The following RAPGEF2 variants were observed in gnomAD, a reference collection of about 807,000 sequenced individuals.
The protein encoded by RAPGEF2 is PDZ domain containing guanine nucleotide exchange factor (GEF) 1.
In RAPGEF2, 54 loss-of-function variants were observed where a neutral mutation model predicts 186.7. That is an observed-to-expected ratio of 0.29 (90% CI 0.23 to 0.36). The LOEUF is 0.36. Among genes scored for constraint, RAPGEF2 ranks in the 10% least tolerant of loss-of-function variants. The pLI is 1.00. For missense variants in RAPGEF2, 1,532 were observed against 2,045.0 expected (o/e 0.75, Z 4.84); for synonymous variants, 712 against 705.9 (o/e 1.01, Z -0.14).
intron 27 of RAPGEF2, 46 bp downstream of exon 27, chr4:159,352,956 C>A: frequency 6.8e-7 from 1 of 1,474,570 alleles, no homozygotes; most frequent in South Asian, 1.2e-5. Flanking sequence ...CCTTCCATCT[C>A]TGTTTTAATA....
At chr4:159,269,864 T>C (rs1429916761) in intron 7 of RAPGEF2, among the ~76,000 whole-genome samples, 2 of 152,108 alleles carry the variant, frequency 1.3e-5, no homozygotes, top group Non-Finnish European at 2.9e-5. Context: ...AAAAGAAAAT[T>C]GTTAAAACCG....
At chr4:159,303,624 T>C (rs1363847984) in intron 7 of RAPGEF2, among the ~76,000 whole-genome samples, 1 of 150,872 alleles carries the variant, frequency 6.6e-6, no homozygotes, top group African/African-American at 2.5e-5. Context: ...TCGGTAAATA[T>C]TTGTCAAATA....
intron 7 of RAPGEF2, among the ~76,000 whole-genome samples, chr4:159,292,316 A>G (rs1239177542): frequency 2.0e-5 from 3 of 152,066 alleles, no homozygotes; most frequent in African/African-American, 7.2e-5. Flanking sequence ...TTTTGCTCTT[A>G]GTGTGTTTGT....
At position 159,169,822 on chromosome 4, in the gene RAPGEF2, G is replaced by A. The variant is rs542622321; in HGVS notation, c.70-16820G>A. 3.9e-5 allele frequency among the ~76,000 whole-genome samples: 6 copies of A among 152,124 alleles called. No homozygotes were observed. In the South Asian group the frequency reaches 1.0e-3, roughly 26 times the overall value. On this transcript the variant is annotated intron_variant, in intron 1 of 29. Transcript: ENST00000691494. ...GCACTTTCTTCATCCATCCATTGAG[G>A]GACGTTTAGGTTGATTCCGTATCTC...
intron 1 of RAPGEF2, among the ~76,000 whole-genome samples, chr4:159,155,676 G>A (rs1247806048): frequency 2.6e-5 from 4 of 151,992 alleles, no homozygotes; most frequent in African/African-American, 4.8e-5. Flanking sequence ...GTGTGACTTT[G>A]GTCTTTCTCA....
Position 159,337,820 on chromosome 4 carries a change from A to T in RAPGEF2, c.2136-491A>T, listed in dbSNP as rs1046397012. On this transcript the variant is annotated intron_variant, in intron 17 of 29. Transcript: ENST00000691494. ...CAGGAGAATGGCATGAACCTGGGAG[A>T]TGGAGCTTGCAGTGAGCCGAGATCA... is the stretch of plus-strand genomic sequence containing the variant. 5.0e-5 allele frequency among the ~76,000 whole-genome samples: 7 copies of T among 139,488 alleles called. No homozygotes were observed. The East Asian group carries it at 1.7e-3, about 33-fold the overall frequency. The allele number at this position is 139,488 out of a possible 152,430, so 91.5% of individuals were successfully genotyped here. A position where few individuals can be genotyped will look rare whatever the true frequency, so the allele number is the denominator to read the frequency against.
chr4:159,162,836 AGG>A (rs1744860316), intron 1 of RAPGEF2, among the ~76,000 whole-genome samples: 1 of 152,224 alleles, frequency 6.6e-6, no homozygotes, highest in Non-Finnish European at 1.5e-5. Flanking sequence ...CCAGCATGCA[AGG>A]TATATTAAAG....
At chr4:159,251,320 T>TGG (rs1466215534) in intron 7 of RAPGEF2, among the ~76,000 whole-genome samples, 5 of 152,220 alleles carry the variant, frequency 3.3e-5, no homozygotes, top group Admixed American at 3.3e-4. Context: ...GAGTGCAGTG[T>TGG]GGGACTGGTG....
intron 9 of RAPGEF2, among the ~76,000 whole-genome samples, chr4:159,320,572 A>G (rs373689680): frequency 1.9e-3 from 285 of 152,264 alleles, no homozygotes; most frequent in African/African-American, 5.9e-3. Flanking sequence ...TACACCTATC[A>G]TTATCATTTT....
At chr4:159,262,128 A>G (rs1046401392) in intron 7 of RAPGEF2, among the ~76,000 whole-genome samples, 2 of 152,234 alleles carry the variant, frequency 1.3e-5, no homozygotes, top group Non-Finnish European at 2.9e-5. Context: ...TTATGCATTC[A>G]TTCTTTGAAC....
chr4:159,348,831 A>G (rs558397302), intron 25 of RAPGEF2, among the ~76,000 whole-genome samples: 1 of 152,306 alleles, frequency 6.6e-6, no homozygotes, highest in South Asian at 2.1e-4. Context: ...ATGTTGTCTT[A>G]TATTTATTTA....
chr4:159,352,418 A>C (rs1731321873), intron 26 of RAPGEF2: 1 of 373,932 alleles, frequency 2.7e-6, no homozygotes, highest in African/African-American at 2.1e-5. Context: ...GGAGCTAAGA[A>C]TAGTTGAGTG....
intron 3 of RAPGEF2, among the ~76,000 whole-genome samples, chr4:159,201,286 A>T (rs1038041846): frequency 6.6e-6 from 1 of 152,212 alleles, no homozygotes; most frequent in African/African-American, 2.4e-5. Context: ...AAAAGATTAA[A>T]ATTATTGTGT....
chr4:159,190,501 A>G (rs1748006633), intron 2 of RAPGEF2, among the ~76,000 whole-genome samples: 1 of 152,222 alleles, frequency 6.6e-6, no homozygotes, highest in Non-Finnish European at 1.5e-5. Context: ...AAGAAAAGAG[A>G]GAAGTCAGGA....
chr4:159,282,872 T>C (rs564980587), intron 7 of RAPGEF2, among the ~76,000 whole-genome samples: 7 of 152,334 alleles, frequency 4.6e-5, no homozygotes. Context: ...TGCTGCGTTC[T>C]TTTAAGAAGA....
chr4:159,354,959 T>A (rs1224836726), intron 28 of RAPGEF2, among the ~76,000 whole-genome samples: 1 of 152,174 alleles, frequency 6.6e-6, no homozygotes, highest in Non-Finnish European at 1.5e-5. Context: ...GGACATTACT[T>A]TTATTAGTAG....
At position 159,278,864 on chromosome 4, in the gene RAPGEF2, C is replaced by A. The variant is rs1023420321; in HGVS notation, c.544-25478C>A. Among the ~76,000 whole-genome samples, 34 of 152,110 alleles carry A rather than the reference C, an allele frequency of 2.2e-4. 1 individual carries two copies. The highest frequency in any genetic ancestry group is 8.2e-4 in the African/African-American group (34 of 41,416). The stretch of plus-strand genomic sequence containing the variant: ...TAATACACAACCCATAAATACAATT[C>A]TTATATTTTTGTAGGAAGTTTTTAT... On this transcript the variant is annotated intron_variant, in intron 7 of 29. Transcript: ENST00000691494.
intron 1 of RAPGEF2, among the ~76,000 whole-genome samples, chr4:159,117,321 A>G (rs1739151703): frequency 6.6e-6 from 1 of 152,214 alleles, no homozygotes; most frequent in African/African-American, 2.4e-5. Context: ...TGTTGCTTGG[A>G]TTTGGGATAC....
chr4:159,304,196 C>G (rs370232214), intron 7 of RAPGEF2, 146 bp from the exon 8 acceptor site: 1 of 705,400 alleles, frequency 1.4e-6, no homozygotes, highest in Non-Finnish European at 2.1e-6. Context: ...GTAAATAAGA[C>G]AATATTTAGT....
Sources: allele counts gnomAD v4.1 joint callset (sites outside exome capture counted in the v4.1 genomes callset), GRCh38; gene constraint gnomAD v4.1.1; transcripts MANE v1.5; gene names NCBI Gene and HGNC (gene_info 2026-07-23, HGNC 2026-07-21).